Variants in SOX6 observed in about 807,000 individuals in gnomAD.
SOX6 encodes transcription factor SOX-6.
A neutral mutation model predicts 97.8 loss-of-function variants in SOX6; 11 were observed. The ratio of observed to expected loss-of-function variants is 0.11; its 90% CI spans 0.07 to 0.19. The LOEUF (loss-of-function observed/expected upper bound fraction) is 0.19, where lower values mean the gene tolerates loss of function less well. Ranked by LOEUF, SOX6 falls within the 10% of genes least tolerant of loss-of-function variation. The pLI is 1.00. For missense variants in SOX6, 810 were observed against 1,039.5 expected, an observed-to-expected ratio of 0.78 and a Z score of 3.04; for synonymous variants, 360 against 371.4, an observed-to-expected ratio of 0.97 and a Z score of 0.35.
At chr11:16,362,048 G>A (rs1399862670) in intron 1 of SOX6, among the ~76,000 whole-genome samples, 1 of 152,122 alleles carries the variant, frequency 6.6e-6, no homozygotes, top group Non-Finnish European at 1.5e-5. Flanking sequence ...GCTTAAAGAA[G>A]ATAATTTCCC....
chr11:16,542,335 G>A (rs7924787), intron 4 of SOX6, among the ~76,000 whole-genome samples: 37,448 of 151,960 alleles, frequency 0.25, 5,113 homozygotes, highest in East Asian at 0.48. Flanking sequence ...CTTGGGGAAG[G>A]GATAGCATTA....
At chr11:16,241,376 A>T (rs1380445423) in intron 3 of SOX6, among the ~76,000 whole-genome samples, 3 of 152,074 alleles carry the variant, frequency 2.0e-5, no homozygotes, top group Non-Finnish European at 4.4e-5. Context: ...TCCATTAGAA[A>T]CTATGGCTGT....
intron 4 of SOX6, among the ~76,000 whole-genome samples, chr11:16,539,757 T>C (rs751333792): frequency 2.9e-4 from 44 of 152,096 alleles, no homozygotes; most frequent in Non-Finnish European, 5.7e-4. Flanking sequence ...TACGCCCTCC[T>C]AACACTAAAC....
intron 6 of SOX6, among the ~76,000 whole-genome samples, chr11:16,114,472 T>C (rs1421817108): frequency 6.6e-6 from 1 of 152,198 alleles, no homozygotes; most frequent in East Asian, 1.9e-4. Context: ...AGTAATGCAA[T>C]GTCACAGTAA....
At chr11:16,444,382 C>T (rs557259632) in intron 1 of SOX6, among the ~76,000 whole-genome samples, 4 of 152,232 alleles carry the variant, frequency 2.6e-5, no homozygotes, top group African/African-American at 7.2e-5. Context: ...TCCCATAATT[C>T]GCTGTGGCAG....
At chr11:16,085,299 G>GT (rs1848554094) in intron 9 of SOX6, among the ~76,000 whole-genome samples, 1 of 151,930 alleles carries the variant, frequency 6.6e-6, no homozygotes, top group Non-Finnish European at 1.5e-5. Context: ...TCCAGTGACA[G>GT]TAAGTGTTTC....
chr11:15,967,817 T>A lies in SOX6; in HGVS notation c.*4992A>T, dbSNP rs1853183260. 1 of 152,132 alleles carries A rather than the reference T, an allele frequency of 6.6e-6. No homozygotes were observed. Among genetic ancestry groups the A allele is most frequent in the Admixed American group, 6.6e-5 (1 of 15,266 alleles). The allele number at this position is 152,132 out of a possible 1,614,324, so 9.4% of individuals were successfully genotyped here. Reference sequence around the variant, plus strand: ...CTACTGAGCAAGATATGTCACTGAGTTTTCTTCAAGCGTTCATATTGCCAT... The same window carrying A: ...CTACTGAGCAAGATATGTCACTGAGATTTCTTCAAGCGTTCATATTGCCAT... On this transcript the variant is annotated 3_prime_UTR_variant, in exon 16 of 16. Transcript: ENST00000683767.
At chr11:16,734,965 T>C (rs1483028524) in intron 2 of SOX6, among the ~76,000 whole-genome samples, 2 of 152,210 alleles carry the variant, frequency 1.3e-5, no homozygotes, top group Non-Finnish European at 2.9e-5. Flanking sequence ...AATATCGACC[T>C]TATTCTGACC....
At chr11:16,332,598 A>G (rs1856338824) in intron 2 of SOX6, among the ~76,000 whole-genome samples, 1 of 152,186 alleles carries the variant, frequency 6.6e-6, no homozygotes, top group Non-Finnish European at 1.5e-5. Flanking sequence ...TGAAATATAA[A>G]GAAGATAAAT....
intron 1 of SOX6, among the ~76,000 whole-genome samples, chr11:16,373,901 A>T (rs1271908469): frequency 9.1e-6 from 1 of 110,488 alleles, no homozygotes; most frequent in African/African-American, 3.7e-5. Context: ...GGGAGGGAGG[A>T]AGGGAGGGAG....
At chr11:16,728,531 T>A (rs1161177672) in intron 2 of SOX6, among the ~76,000 whole-genome samples, 1 of 152,028 alleles carries the variant, frequency 6.6e-6, no homozygotes, top group Non-Finnish European at 1.5e-5. Context: ...AGGAATAGCA[T>A]CAACATCAAC....
chr11:16,397,393 A>G (rs1312322764), intron 1 of SOX6: 1 of 151,988 alleles, frequency 6.6e-6, no homozygotes, highest in Non-Finnish European at 1.5e-5. Flanking sequence ...GTTTAAATAT[A>G]TCAACATTCT....
At chr11:16,476,620 C>T (rs1860254802), upstream of SOX6, among the ~76,000 whole-genome samples, 2 of 151,182 alleles carry the variant, frequency 1.3e-5, no homozygotes, top group African/African-American at 4.9e-5. Context: ...TTAAAAAAAT[C>T]GGTAATAAAG....
In SOX6 at chr11:16,545,344, C is replaced by CA. The variant is rs71455887; in HGVS notation, n.609+66736dup. On this transcript the variant is annotated intron_variant and non_coding_transcript_variant, in intron 4 of 5. Coordinates refer to the SOX6 transcript ENST00000524520. The stretch of plus-strand genomic sequence containing the variant: ...ACTTTAACAAAGTAAAGTCCAAGCC[C>CA]AAAAAAAAAAAAAAAGAACCCACAT... 5.3e-3 allele frequency among the ~76,000 whole-genome samples: 637 copies of CA among 121,170 alleles called. 2 individuals carry two copies. The highest frequency in any genetic ancestry group is 0.016 in the African/African-American group (508 of 31,692). 79.5% of individuals were successfully genotyped at this position (121,170 alleles called of 152,430 possible).
intron 6 of SOX6, among the ~76,000 whole-genome samples, chr11:16,132,433 GA>G (rs1229559971): frequency 2.0e-4 from 16 of 80,642 alleles, no homozygotes; most frequent in Non-Finnish European, 3.0e-4. Context: ...AAGAAAGAAA[GA>G]AAGAAAGAAA....
intron 7 of SOX6, among the ~76,000 whole-genome samples, chr11:16,106,154 T>C (rs1849077689): frequency 6.6e-6 from 1 of 151,904 alleles, no homozygotes; most frequent in Non-Finnish European, 1.5e-5. Flanking sequence ...GTCAAAGCAA[T>C]CCCTATCAAA....
At chr11:16,515,462 AG>A (rs1860955311) in intron 4 of SOX6, among the ~76,000 whole-genome samples, 1 of 130,786 alleles carries the variant, frequency 7.6e-6, no homozygotes, top group Non-Finnish European at 1.6e-5. Context: ...TTGTCAGATG[AG>A]TAGGTTGCGA....
At chr11:16,344,637 T>C (rs1228962561) in intron 1 of SOX6, among the ~76,000 whole-genome samples, 5 of 151,984 alleles carry the variant, frequency 3.3e-5, no homozygotes, top group Non-Finnish European at 7.4e-5. Context: ...TAATTTTCCA[T>C]TGCAAAAATT....
intron 12 of SOX6, among the ~76,000 whole-genome samples, chr11:16,016,974 C>T (rs540841624): frequency 2.0e-4 from 31 of 151,650 alleles, no homozygotes; most frequent in African/African-American, 7.0e-4. Context: ...CACTCATTCT[C>T]TTTGATTTTA....
Sources: allele counts gnomAD v4.1 joint callset (sites outside exome capture counted in the v4.1 genomes callset), GRCh38; gene constraint gnomAD v4.1.1; transcripts MANE v1.5; gene names NCBI Gene and HGNC (gene_info 2026-07-23, HGNC 2026-07-21).